MYO3B: variants seen among roughly 807,000 people sequenced by gnomAD.
MYO3B encodes the protein myosin-IIIb.
In MYO3B, 156 loss-of-function variants were observed where a neutral mutation model predicts 174.6. The ratio of observed to expected loss-of-function variants is 0.89; its 90% CI spans 0.78 to 1.02. MYO3B has a LOEUF of 1.02. Among genes scored for constraint, MYO3B ranks in the 50% least tolerant of loss-of-function variants. The pLI is 0.00. For synonymous variants in MYO3B, 563 were observed against 569.1 expected, an observed-to-expected ratio of 0.99 and a Z score of 0.15; for missense variants, 1,632 against 1,639.4, an observed-to-expected ratio of 1.00 and a Z score of 0.08.
intron 32 of MYO3B, among the ~76,000 whole-genome samples, chr2:170,589,899 G>A (rs1693716735): frequency 6.6e-6 from 1 of 152,094 alleles, no homozygotes; most frequent in African/African-American, 2.4e-5. Flanking sequence ...CTATACAGAG[G>A]TACCATTTTT....
chr2:170,613,555 C>T (rs772207230), intron 32 of MYO3B, among the ~76,000 whole-genome samples: 28 of 152,156 alleles, frequency 1.8e-4, no homozygotes, highest in Non-Finnish European at 3.5e-4. Context: ...CTCCCAAGTC[C>T]GAGTCCTGTG....
intron 7 of MYO3B, among the ~76,000 whole-genome samples, chr2:170,258,305 A>C (rs1045899849): frequency 1.3e-5 from 2 of 152,188 alleles, no homozygotes; most frequent in Non-Finnish European, 2.9e-5. Flanking sequence ...AGATACAAAA[A>C]TCCTCAACAA....
At chr2:170,311,628 T>C (rs917556865) in intron 7 of MYO3B, among the ~76,000 whole-genome samples, 1 of 152,096 alleles carries the variant, frequency 6.6e-6, no homozygotes, top group Non-Finnish European at 1.5e-5. Flanking sequence ...ATCCAGTTTT[T>C]TTTTCTTTTG....
chr2:170,639,839 A>T (rs1344343328), intron 32 of MYO3B, among the ~76,000 whole-genome samples: 1 of 152,212 alleles, frequency 6.6e-6, no homozygotes, highest in Non-Finnish European at 1.5e-5. Context: ...TTCCATGGTC[A>T]GCAAAATTGT....
intron 25 of MYO3B, among the ~76,000 whole-genome samples, chr2:170,492,797 G>A (rs7580219): frequency 0.011 from 1,706 of 152,290 alleles, 28 homozygotes; most frequent in African/African-American, 0.039. Flanking sequence ...GAAAAGCAAT[G>A]TTTGGTCGTT....
intron 3 of MYO3B, among the ~76,000 whole-genome samples, chr2:170,209,108 C>T (rs771267963): frequency 9.2e-5 from 14 of 152,222 alleles, no homozygotes; most frequent in Non-Finnish European, 1.2e-4. Context: ...TCGAGCTTGA[C>T]TCCTTAAAGG....
At chr2:170,305,019 A>G (rs963322175) in intron 7 of MYO3B, among the ~76,000 whole-genome samples, 1 of 151,800 alleles carries the variant, frequency 6.6e-6, no homozygotes, top group Non-Finnish European at 1.5e-5. Flanking sequence ...TCAAGATTTT[A>G]AAAGTATGCC....
chr2:170,237,130 TC>T (rs2093079094), intron 7 of MYO3B, among the ~76,000 whole-genome samples: 1 of 152,180 alleles, frequency 6.6e-6, no homozygotes, highest in South Asian at 2.1e-4. Flanking sequence ...CTTTTTCGAA[TC>T]ACAAAAACAG....
intron 7 of MYO3B, among the ~76,000 whole-genome samples, chr2:170,332,649 T>A (rs1204932695): frequency 6.6e-6 from 1 of 152,160 alleles, no homozygotes; most frequent in Non-Finnish European, 1.5e-5. Context: ...CAGGATCAAA[T>A]GAGGTTCTCT....
At chr2:170,547,709 A>G (rs1010319162) in intron 32 of MYO3B, among the ~76,000 whole-genome samples, 1 of 152,248 alleles carries the variant, frequency 6.6e-6, no homozygotes, top group Admixed American at 6.5e-5. Context: ...ATTACTAACA[A>G]AATAATCATG....
intron 7 of MYO3B, among the ~76,000 whole-genome samples, chr2:170,258,762 A>G (rs1477070742): frequency 6.6e-6 from 1 of 152,098 alleles, no homozygotes; most frequent in Non-Finnish European, 1.5e-5. Flanking sequence ...AAAGCAAAAG[A>G]CAAATTATCT....
At chr2:170,373,576 C>T (rs1469733211) in intron 9 of MYO3B, among the ~76,000 whole-genome samples, 1 of 152,014 alleles carries the variant, frequency 6.6e-6, no homozygotes, top group Non-Finnish European at 1.5e-5. Flanking sequence ...GGGAAGAATG[C>T]AAGTTCTTAA....
chr2:170,452,140 A>G (rs2105929950), intron 23 of MYO3B, among the ~76,000 whole-genome samples: 1 of 152,268 alleles, frequency 6.6e-6, no homozygotes, highest in Non-Finnish European at 1.5e-5. Context: ...AAGTTGCTAT[A>G]CACCAAGGCT....
intron 12 of MYO3B, chr2:170,385,811 G>A (rs750936461): frequency 7.5e-5 from 12 of 160,828 alleles, no homozygotes; most frequent in South Asian, 5.4e-4. Flanking sequence ...ATTTGGTAAC[G>A]TGTGTCAAAT....
chr2:170,260,048 T>C (rs953692410), intron 7 of MYO3B, among the ~76,000 whole-genome samples: 1 of 151,924 alleles, frequency 6.6e-6, no homozygotes, highest in African/African-American at 2.4e-5. Context: ...AGAATGGCTA[T>C]TATTAAAAAG....
intron 22 of MYO3B, among the ~76,000 whole-genome samples, chr2:170,437,906 G>A (rs528333147): frequency 6.6e-6 from 1 of 152,158 alleles, no homozygotes; most frequent in East Asian, 1.9e-4. Flanking sequence ...ATGATTAGCA[G>A]TGTCCCAGTT....
chr2:170,188,196 T>C (rs1329964157), intron 1 of MYO3B, among the ~76,000 whole-genome samples: 3 of 151,070 alleles, frequency 2.0e-5, no homozygotes, highest in Admixed American at 1.3e-4. Flanking sequence ...CCTTTGTCAT[T>C]ATATAATGAC....
rs2093872140 is a variant in MYO3B at position 170,326,857 on chromosome 2, T to C, written c.750-8528T>C. On this transcript the variant is annotated intron_variant, in intron 7 of 34. Transcript: ENST00000408978. Reference sequence around the variant, plus strand: ...ACAGGCCTGGGGTAATAATACCTGATATGGGAAACATGTAATCTTCATATT... The same window carrying C: ...ACAGGCCTGGGGTAATAATACCTGACATGGGAAACATGTAATCTTCATATT... 3.3e-5 allele frequency among the ~76,000 whole-genome samples: 5 copies of C among 152,320 alleles called. No homozygotes were observed. In the South Asian group the frequency reaches 1.0e-3, roughly 32 times the overall value.
At chr2:170,411,669 G>T (rs1223139333) in intron 22 of MYO3B, 2 of 152,212 alleles carry the variant, frequency 1.3e-5, no homozygotes, top group African/African-American at 4.8e-5. Context: ...AAATCATAGA[G>T]AGTAATCCAG....
Sources: gnomAD v4.1 joint callset for allele counts (sites outside exome capture counted in the v4.1 genomes callset) on GRCh38, gnomAD v4.1.1 for gene constraint, MANE v1.5 for transcripts, NCBI Gene and HGNC (gene_info 2026-07-23, HGNC 2026-07-21) for gene names.